The following LRRTM4 variants were observed in gnomAD, a reference collection of about 807,000 sequenced individuals.
The protein encoded by LRRTM4 is leucine rich repeat transmembrane neuronal 4.
LRRTM4 carries 25 observed loss-of-function variants against 47.6 expected under a neutral mutation model. The observed-to-expected ratio is 0.53, with a 90% CI of 0.38 to 0.73. The LOEUF is 0.73. LRRTM4 is among the 30% of genes least tolerant of loss of function. The probability of loss-of-function intolerance (pLI) is 0.00; values close to 1 mark genes in which losing one functional copy is unlikely to be tolerated. For synonymous variants in LRRTM4, 311 were observed against 269.5 expected (o/e 1.15, Z -1.51); for missense variants, 638 against 713.4 (o/e 0.89, Z 1.20).
In LRRTM4 at chr2:76,949,247, A is replaced by C. The variant is rs1158908493; in HGVS notation, c.1552-200331T>G. Among the ~76,000 whole-genome samples the C allele has an allele frequency of 2.0e-5, 3 of 152,052 alleles. No individual in the cohort carries two copies. In the East Asian group the frequency reaches 5.8e-4, roughly 30 times the overall value. On this transcript the variant is annotated intron_variant, in intron 3 of 3. Transcript: ENST00000409884. The stretch of plus-strand genomic sequence containing the variant: ...TGAACCTGGGTACAATTAGAAAATG[A>C]GTTCAAATAAATGAATAGTTATCAA...
chr2:77,201,347 T>G (rs772265235), intron 3 of LRRTM4, among the ~76,000 whole-genome samples: 6 of 152,128 alleles, frequency 3.9e-5, no homozygotes, highest in Non-Finnish European at 5.9e-5. Context: ...TTTCCTTGCT[T>G]TTGCCTAGAG....
At chr2:76,864,824 T>C (rs1013963902) in intron 3 of LRRTM4, among the ~76,000 whole-genome samples, 3 of 139,440 alleles carry the variant, frequency 2.2e-5, no homozygotes, top group Non-Finnish European at 4.6e-5. Flanking sequence ...CCTCCCGGGC[T>C]CAAGTGATTC....
At chr2:77,167,451 G>A (rs953604608) in intron 3 of LRRTM4, among the ~76,000 whole-genome samples, 1 of 151,982 alleles carries the variant, frequency 6.6e-6, no homozygotes, top group East Asian at 1.9e-4. Context: ...CCCATTACTG[G>A]GTATATACCC....
At chr2:77,356,048 T>G (rs1043442751) in intron 3 of LRRTM4, among the ~76,000 whole-genome samples, 2 of 152,170 alleles carry the variant, frequency 1.3e-5, no homozygotes, top group African/African-American at 4.8e-5. Flanking sequence ...GAGCCATTAA[T>G]GTGCCACTAC....
At chr2:77,198,020 T>A (rs1177046510) in intron 3 of LRRTM4, among the ~76,000 whole-genome samples, 2 of 152,170 alleles carry the variant, frequency 1.3e-5, no homozygotes, top group Non-Finnish European at 2.9e-5. Flanking sequence ...TAAATATGAA[T>A]ATCAGTTAGG....
intron 3 of LRRTM4, among the ~76,000 whole-genome samples, chr2:76,891,573 A>G (rs1241465938): frequency 2.0e-5 from 3 of 151,714 alleles, no homozygotes; most frequent in African/African-American, 7.3e-5. Flanking sequence ...AAATCCAAAT[A>G]CGAATGAAAA....
chr2:76,880,031 A>G (rs1018291763), intron 3 of LRRTM4, among the ~76,000 whole-genome samples: 1 of 152,232 alleles, frequency 6.6e-6, no homozygotes, highest in African/African-American at 2.4e-5. Flanking sequence ...TGGAGCTAAG[A>G]AAGTAGAATC....
At chr2:76,768,107 A>G (rs1236134240) in intron 3 of LRRTM4, among the ~76,000 whole-genome samples, 5 of 152,196 alleles carry the variant, frequency 3.3e-5, no homozygotes. Context: ...TGTGCATATT[A>G]TATAGAGATA....
intron 3 of LRRTM4, among the ~76,000 whole-genome samples, chr2:76,940,236 A>G (rs550250006): frequency 3.9e-4 from 60 of 152,314 alleles, no homozygotes; most frequent in African/African-American, 1.4e-3. Flanking sequence ...CATCGAATCA[A>G]CCTAGAGGTC....
At chr2:76,798,353 G>A (rs1322145579) in intron 3 of LRRTM4, among the ~76,000 whole-genome samples, 1 of 151,872 alleles carries the variant, frequency 6.6e-6, no homozygotes, top group Non-Finnish European at 1.5e-5. Flanking sequence ...AATGACTACT[G>A]GGTACATAAC....
intron 3 of LRRTM4, among the ~76,000 whole-genome samples, chr2:76,923,722 T>A (rs1674504449): frequency 6.6e-6 from 1 of 152,106 alleles, no homozygotes; most frequent in Admixed American, 6.6e-5. Context: ...TGCAAAACAA[T>A]CTCAGATTTT....
At chr2:76,771,392 T>G (rs978655837) in intron 3 of LRRTM4, among the ~76,000 whole-genome samples, 2 of 152,192 alleles carry the variant, frequency 1.3e-5, no homozygotes, top group Admixed American at 1.3e-4. Flanking sequence ...CCATCTGATT[T>G]AGATAAGATT....
intron 3 of LRRTM4, among the ~76,000 whole-genome samples, chr2:76,877,061 A>G (rs943880173): frequency 6.6e-6 from 1 of 152,056 alleles, no homozygotes; most frequent in Non-Finnish European, 1.5e-5. Flanking sequence ...AGAATTTATT[A>G]GGGTTTTTGA....
intron 3 of LRRTM4, among the ~76,000 whole-genome samples, chr2:77,412,522 T>C (rs1353449591): frequency 2.0e-5 from 3 of 152,168 alleles, no homozygotes; most frequent in African/African-American, 7.2e-5. Flanking sequence ...AGCCTAAATG[T>C]GAATTACTCC....
At chr2:77,386,622 T>A (rs1211119316) in intron 3 of LRRTM4, among the ~76,000 whole-genome samples, 1 of 152,134 alleles carries the variant, frequency 6.6e-6, no homozygotes, top group African/African-American at 2.4e-5. Context: ...TACCCAGTAA[T>A]GGGATTGCTG....
chr2:76,753,765 CAT>C (rs1360902293), intron 3 of LRRTM4, among the ~76,000 whole-genome samples: 3 of 151,996 alleles, frequency 2.0e-5, no homozygotes, highest in Non-Finnish European at 2.9e-5. Context: ...GAGAAATGAA[CAT>C]GTCTGTATAG....
chr2:77,193,588 T>A (rs1673732906), intron 3 of LRRTM4, among the ~76,000 whole-genome samples: 1 of 151,968 alleles, frequency 6.6e-6, no homozygotes, highest in African/African-American at 2.4e-5. Context: ...GGCGGGCAGA[T>A]CACCTGAGAT....
chr2:77,372,972 AG>A (rs969945344), intron 3 of LRRTM4, among the ~76,000 whole-genome samples: 1 of 150,968 alleles, frequency 6.6e-6, no homozygotes, highest in African/African-American at 2.4e-5. Flanking sequence ...CTTACTAAAA[AG>A]GGTCATAAGG....
chr2:77,457,238 C>T (rs1468504412), intron 3 of LRRTM4, among the ~76,000 whole-genome samples: 6 of 151,592 alleles, frequency 4.0e-5, no homozygotes, highest in Non-Finnish European at 8.8e-5. Flanking sequence ...CACTTTATTT[C>T]CCCCTCTCAC....
Sources: allele counts gnomAD v4.1 joint callset (sites outside exome capture counted in the v4.1 genomes callset), GRCh38; gene constraint gnomAD v4.1.1; transcripts MANE v1.5; gene names NCBI Gene and HGNC (gene_info 2026-07-23, HGNC 2026-07-21).